The following SYCP1 variants were observed in gnomAD, a reference collection of about 807,000 sequenced individuals.
The protein encoded by SYCP1 is cancer/testis antigen 8.
Under a neutral mutation model 153.1 loss-of-function variants are expected in SYCP1, and 64 were observed. That is an observed-to-expected ratio of 0.42 (90% CI 0.34 to 0.51). SYCP1 has a LOEUF of 0.51. Ranked by LOEUF, SYCP1 falls within the 20% of genes least tolerant of loss-of-function variation. The pLI is 0.06. For missense variants in SYCP1, 997 were observed against 1,049.0 expected (o/e 0.95, Z 0.68); for synonymous variants, 384 against 341.8 (o/e 1.12, Z -1.36).
chr1:114,990,242 T>A (rs1673832747), intron 30 of SYCP1, among the ~76,000 whole-genome samples: 1 of 151,842 alleles, frequency 6.6e-6, no homozygotes, highest in Non-Finnish European at 1.5e-5. Context: ...TCTTAGCCAA[T>A]CAGTGGGTCA....
rs369917660 is a variant in SYCP1, at chr1:114,857,545, A to G, written c.291+48A>G. 3.8e-6 allele frequency: 5 copies of G among 1,327,118 alleles called. No homozygotes were observed. In the African/African-American group the frequency reaches 5.9e-5, roughly 16 times the overall value. The allele number at this position is 1,327,118 out of a possible 1,614,324, so 82.2% of individuals were successfully genotyped here. A position where few individuals can be genotyped will look rare whatever the true frequency, so the allele number is the denominator to read the frequency against. ...TTAAATTTCTTGTAATTGGAATATA[A>G]CTTATTACCTATATGTATATTTCTT... On this transcript the variant is annotated intron_variant, in intron 5 of 31. Coordinates refer to ENST00000369522, the MANE Select transcript of SYCP1 (RefSeq NM_003176.4).
Position 114,981,413 on chromosome 1 carries a change from A to C in SYCP1, c.2460A>C (p.Val820=), listed in dbSNP as rs759910363. The C allele has an allele frequency of 1.9e-6, 3 of 1,609,710 alleles. No homozygotes were observed. The change falls in exon 29 of 32, where the codon GTA becomes GTC. Residue 820 remains valine, a synonymous_variant. Coordinates refer to ENST00000369522, the MANE Select transcript of SYCP1 (RefSeq NM_003176.4). ...LDSKAVPSQT[V]SRNFTSVDHG... is the part of the protein sequence containing the mutation. ...CTAAAGCAGTTCCTTCACAAACTGT[A>C]TCTCGAAATTTCACATCAGTTGATC...
chr1:114,882,008 T>C (rs1484085469), intron 12 of SYCP1, among the ~76,000 whole-genome samples: 1 of 152,204 alleles, frequency 6.6e-6, no homozygotes, highest in East Asian at 1.9e-4. Flanking sequence ...AGATATTGTA[T>C]TTGCTCTACT....
chr1:114,994,896 A>AATGATACGG lies in SYCP1; in HGVS notation c.2809_2810insTGATACGGA (p.Leu936_Thr937insMetIleArg). The AATGATACGG allele has an allele frequency of 6.4e-7, 1 of 1,564,338 alleles. No individual in the cohort carries two copies. The highest frequency in any genetic ancestry group is 8.7e-7 in the Non-Finnish European group (1 of 1,155,420). On this transcript the variant is annotated inframe_insertion, in exon 32 of 32. Transcript: ENST00000369522. ...TTTGTACTCAGGCCCCTTCATCTCT[A>AATGATACGG]ACAACCCCTGGATCTACACTGAAGT...
intron 6 of SYCP1, 27 bp downstream of exon 6, chr1:114,858,738 A>T: frequency 6.4e-7 from 1 of 1,572,080 alleles, no homozygotes; most frequent in Non-Finnish European, 8.7e-7. Context: ...CATTGTAAAC[A>T]TAGTATAGTA....
intron 27 of SYCP1, among the ~76,000 whole-genome samples, chr1:114,967,956 T>C (rs1355585196): frequency 2.0e-5 from 3 of 152,242 alleles, no homozygotes; most frequent in African/African-American, 7.2e-5. Context: ...TGGCTGGATA[T>C]GAAATTCTGG....
intron 16 of SYCP1, among the ~76,000 whole-genome samples, chr1:114,899,698 C>T (rs1241613293): frequency 6.6e-6 from 1 of 152,200 alleles, no homozygotes; most frequent in Non-Finnish European, 1.5e-5. Context: ...TATACTCAGA[C>T]ATTAGAATTT....
chr1:114,944,551 A>G (rs1435788395), intron 24 of SYCP1, 96 bp downstream of exon 24: 5 of 777,262 alleles, frequency 6.4e-6, no homozygotes, highest in Non-Finnish European at 1.0e-5. Flanking sequence ...TAACTATTAA[A>G]TTACAATTTT....
At chr1:114,921,526 A>G (rs1668875350) in intron 20 of SYCP1, among the ~76,000 whole-genome samples, 1 of 151,980 alleles carries the variant, frequency 6.6e-6, no homozygotes. Flanking sequence ...TAAAAATAGA[A>G]AAATTAGCCG....
chr1:114,946,902 G>A (rs891580803), intron 26 of SYCP1, among the ~76,000 whole-genome samples: 1 of 151,954 alleles, frequency 6.6e-6, no homozygotes, highest in Non-Finnish European at 1.5e-5. Context: ...ACCACACCCG[G>A]CTAATTTTTG....
At chr1:114,894,926 GT>G (rs1184596875) in intron 15 of SYCP1, among the ~76,000 whole-genome samples, 1 of 152,072 alleles carries the variant, frequency 6.6e-6, no homozygotes, top group Non-Finnish European at 1.5e-5. Flanking sequence ...GTCAGATATT[GT>G]TTTATAATCA....
intron 12 of SYCP1, among the ~76,000 whole-genome samples, chr1:114,880,571 T>G (rs1174972472): frequency 2.0e-5 from 3 of 152,140 alleles, no homozygotes; most frequent in African/African-American, 7.2e-5. Context: ...GTATATAAGG[T>G]TTTTCAGGTT....
chr1:114,923,679 G>T lies in SYCP1; in HGVS notation c.1800+149G>T, dbSNP rs964181340. On this transcript the variant is annotated intron_variant, in intron 21 of 31. Coordinates refer to ENST00000369522, the MANE Select transcript of SYCP1 (RefSeq NM_003176.4). The stretch of plus-strand genomic sequence containing the variant: ...ATCAGCCATCAACCTTAAATATCTA[G>T]GAAAGGTTGGATTATTTTACTATTG... The T allele has an allele frequency of 9.6e-6, 7 of 727,502 alleles. No homozygotes were observed. In the African/African-American group the frequency reaches 1.3e-4, roughly 14 times the overall value. 45.1% of individuals were successfully genotyped at this position (727,502 alleles called of 1,614,324 possible). A position where few individuals can be genotyped will look rare whatever the true frequency, so the allele number is the denominator to read the frequency against.
intron 27 of SYCP1, among the ~76,000 whole-genome samples, chr1:114,974,711 A>G (rs1672703582): frequency 6.6e-6 from 1 of 151,834 alleles, no homozygotes. Flanking sequence ...TGTGTATACC[A>G]TCTTTTCCTT....
chr1:114,895,411 C>A, intron 15 of SYCP1, 37 bp from the exon 16 acceptor site: 2 of 1,339,584 alleles, frequency 1.5e-6, no homozygotes, highest in Non-Finnish European at 2.0e-6. Context: ...TTCTTTTAAT[C>A]CAGCTTTTTA....
At chr1:114,891,286 C>T (rs757612284) in intron 15 of SYCP1, among the ~76,000 whole-genome samples, 13 of 152,158 alleles carry the variant, frequency 8.5e-5, no homozygotes, top group Admixed American at 2.0e-4. Flanking sequence ...TTAGGTCAGA[C>T]GTCTTTGACC....
intron 8 of SYCP1, among the ~76,000 whole-genome samples, chr1:114,871,296 T>C (rs991087167): frequency 2.0e-5 from 3 of 151,758 alleles, no homozygotes; most frequent in Non-Finnish European, 4.4e-5. Flanking sequence ...GCCTCCTGAG[T>C]AGCTGAGATT....
intron 16 of SYCP1, among the ~76,000 whole-genome samples, chr1:114,909,242 G>T (rs1237269338): frequency 6.6e-6 from 1 of 151,922 alleles, no homozygotes; most frequent in African/African-American, 2.4e-5. Flanking sequence ...CCTTTCCCTG[G>T]TTCTACCAGG....
chr1:114,960,163 G>GTTTTTTTTT (rs757126453), intron 27 of SYCP1, among the ~76,000 whole-genome samples: 35 of 109,466 alleles, frequency 3.2e-4, no homozygotes, highest in Non-Finnish European at 5.0e-4. Context: ...TAGTTTGCTT[G>GTTTTTTTTT]TTTTTTTTTT....
Sources: gnomAD v4.1 joint callset for allele counts (sites outside exome capture counted in the v4.1 genomes callset) on GRCh38, gnomAD v4.1.1 for gene constraint, MANE v1.5 for transcripts, NCBI Gene and HGNC (gene_info 2026-07-23, HGNC 2026-07-21) for gene names.